Variants in FAM118A observed in about 807,000 individuals in gnomAD.
The protein encoded by FAM118A is protein FAM118A.
FAM118A carries 25 observed loss-of-function variants against 38.2 expected under a neutral mutation model. That is an observed-to-expected ratio of 0.65 (90% CI 0.48 to 0.91). FAM118A has a LOEUF of 0.91. Among genes scored for constraint, FAM118A ranks in the 40% least tolerant of loss-of-function variants. FAM118A has a pLI of 0.00. For missense variants in FAM118A, 425 were observed against 463.3 expected (o/e 0.92, Z 0.76); for synonymous variants, 178 against 184.1 (o/e 0.97, Z 0.27).
intron 8 of FAM118A, chr22:45,337,764 C>A: frequency 1.1e-6 from 1 of 921,882 alleles, no homozygotes; most frequent in Non-Finnish European, 1.3e-6. Flanking sequence ...ATCCATCCTG[C>A]TAGTACCTCC....
Position 45,332,671 on chromosome 22 carries a change from C to T in FAM118A, c.898C>T (p.Gln300Ter). 6.2e-7 allele frequency: 1 copy of T among 1,612,508 alleles called. No individual in the cohort carries two copies. The highest frequency in any genetic ancestry group is 1.3e-5 in the African/African-American group (1 of 75,006). The change falls in exon 6 of 9, where the codon CAA (glutamine) becomes TAA (stop). Residue 300 changes from glutamine (Q) to a stop codon, truncating the protein, a stop_gained. Transcript: ENST00000441876. LOFTEE classifies it high-confidence loss of function. ...DCFDHFPGYV[Q>*]DLATQICKQQ... Reference sequence around the variant, plus strand: ...TTTTGACCACTTTCCAGGATATGTGCAAGACCTTGCCACTCAGATCTGCAA... The same window carrying T: ...TTTTGACCACTTTCCAGGATATGTGTAAGACCTTGCCACTCAGATCTGCAA...
chr22:45,335,219 A>C, intron 6 of FAM118A, 131 bp from the exon 7 acceptor site: 1 of 908,118 alleles, frequency 1.1e-6, no homozygotes. Flanking sequence ...AGGAGTCCGC[A>C]GCCCGCGCGG....
At position 45,324,784 on chromosome 22, in the gene FAM118A, C is replaced by T. The variant is rs185642323; in HGVS notation, c.300+1357C>T. Among the ~76,000 whole-genome samples the T allele has an allele frequency of 2.5e-3, 388 of 152,308 alleles. 2 individuals are homozygous for T. The highest frequency in any genetic ancestry group is 3.7e-3 in the Admixed American group (57 of 15,304). ...TCTGAGGCAGGGGCGCGGTGGCTCA[C>T]GCCTGTAATCCCAGCACTTTGGGAG... On this transcript the variant is annotated intron_variant, in intron 3 of 8. Coordinates refer to ENST00000441876, the MANE Select transcript of FAM118A (RefSeq NM_017911.4).
intron 7 of FAM118A, 123 bp from the exon 8 acceptor site, chr22:45,336,205 A>C (rs1255596750): frequency 1.5e-6 from 1 of 653,482 alleles, no homozygotes; most frequent in Non-Finnish European, 2.6e-6. Flanking sequence ...AGCGTGGTTG[A>C]TGTCATCTCT....
At chr22:45,324,248 A>G (rs1298235338) in intron 3 of FAM118A, among the ~76,000 whole-genome samples, 2 of 152,156 alleles carry the variant, frequency 1.3e-5, no homozygotes, top group African/African-American at 2.4e-5. Flanking sequence ...TATAATCCCC[A>G]CCTAGAGACC....
At chr22:45,315,840 G>A (rs1311940851) in intron 1 of FAM118A, among the ~76,000 whole-genome samples, 1 of 152,188 alleles carries the variant, frequency 6.6e-6, no homozygotes, top group Non-Finnish European at 1.5e-5. Context: ...TGCTTCAGGT[G>A]GGGGTGTTGT....
Position 45,341,542 on chromosome 22 carries a change from G to GGGAGGCAAAACTTGAAAAGGGCC in FAM118A, c.*1138_*1160dup, listed in dbSNP as rs1286215465. 1 of 152,192 alleles carries GGGAGGCAAAACTTGAAAAGGGCC rather than the reference G, an allele frequency of 6.6e-6. No individual in the cohort carries two copies. The highest frequency in any genetic ancestry group is 2.4e-5 in the African/African-American group (1 of 41,442). The allele number at this position is 152,192 out of a possible 1,614,324, so 9.4% of individuals were successfully genotyped here. On this transcript the variant is annotated 3_prime_UTR_variant, in exon 9 of 9. Transcript: ENST00000441876. ...CATTAAGGGAGTTTGCAGAGAGTGA[G>GGGAGGCAAAACTTGAAAAGGGCC]GGAGGCAAAACTTGAAAAGGGCCTG...
chr22:45,321,112 CTTTTG>C (rs1388627243), intron 1 of FAM118A, among the ~76,000 whole-genome samples: 3 of 152,052 alleles, frequency 2.0e-5, no homozygotes, highest in African/African-American at 7.2e-5. Flanking sequence ...TATGTCAATA[CTTTTG>C]TTTGTTTGTT....
chr22:45,327,762 A>T, intron 3 of FAM118A, 80 bp from the exon 4 acceptor site: 2 of 1,417,882 alleles, frequency 1.4e-6, no homozygotes, highest in Non-Finnish European at 2.0e-6. Flanking sequence ...TATCTCTGGC[A>T]CCCAGAAAAT....
At chr22:45,321,932 C>G (rs745443644) in intron 1 of FAM118A, 1 of 307,344 alleles carries the variant, frequency 3.3e-6, no homozygotes, top group Non-Finnish European at 6.3e-6. Flanking sequence ...TTAGAGCACT[C>G]GTTGGCTTCC....
rs1327574743 is a variant in FAM118A at position 45,323,331 on chromosome 22, G to A, written c.204G>A (p.Val68=). ...TCGAGGCTGCAGAGCAGCTGGAGGT[G>A]CTGCACCCCGGAGACGTCGCCGAGT... ...AVIEAAEQLE[V]LHPGDVAEFR... is the part of the protein sequence containing the mutation. The change falls in exon 3 of 9, where the codon GTG becomes GTA. Residue 68 remains valine, a synonymous_variant. Transcript: ENST00000441876. The A allele has an allele frequency of 3.7e-6, 6 of 1,614,150 alleles. No individual in the cohort carries two copies. The highest frequency in any genetic ancestry group is 5.1e-6 in the Non-Finnish European group (6 of 1,180,008).
rs757517408 is a variant in FAM118A, at chr22:45,332,466, T to G, written c.693T>G (p.Phe231Leu). The G allele has an allele frequency of 2.5e-6, 4 of 1,614,196 alleles. No homozygotes were observed. The South Asian group carries it at 4.4e-5, about 18-fold the overall frequency. ...TATACCGCACCAAGTCCTTTCTGTT[T>G]GTGGGCTGTGGGGAGACCCTTCGTG... ...QNLYRTKSFL[F>L]VGCGETLRDQ... is the part of the protein sequence containing the mutation. Residue 231 changes from phenylalanine (F) to leucine (L), a missense_variant, in exon 6 of 9, where the codon TTT becomes TTG. Coordinates refer to ENST00000441876, the MANE Select transcript of FAM118A (RefSeq NM_017911.4).
At chr22:45,310,613 AG>A (rs1339687571) in intron 1 of FAM118A, among the ~76,000 whole-genome samples, 7 of 152,054 alleles carry the variant, frequency 4.6e-5, no homozygotes, top group Admixed American at 4.6e-4. Context: ...TCTCAGGGCT[AG>A]GTTTCTCCAA....
intron 4 of FAM118A, chr22:45,328,469 G>C (rs1045005060): frequency 4.1e-5 from 36 of 870,714 alleles, no homozygotes; most frequent in Non-Finnish European, 6.9e-5. Context: ...TTGTAGCAGT[G>C]AATTACTAAT....
chr22:45,327,445 C>G (rs9615107), intron 3 of FAM118A, among the ~76,000 whole-genome samples: 65,394 of 152,016 alleles, frequency 0.43, 17,410 homozygotes, highest in Non-Finnish European at 0.61. Context: ...CCTCCGTGGC[C>G]TCTTGCTGAC....
intron 7 of FAM118A, among the ~76,000 whole-genome samples, chr22:45,335,835 G>T (rs1330658755): frequency 6.6e-6 from 1 of 152,230 alleles, no homozygotes; most frequent in Non-Finnish European, 1.5e-5. Flanking sequence ...AATTCTGCCT[G>T]TTTATAAATT....
chr22:45,335,432 A>T lies in FAM118A; in HGVS notation c.970+50A>T. On this transcript the variant is annotated intron_variant, in intron 7 of 8. Coordinates refer to ENST00000441876, the MANE Select transcript of FAM118A (RefSeq NM_017911.4). ...AGCCTGTTTTTTGCCTACACATTCC[A>T]TTGTCTTCTGTCACTAACTGTAAAA... The T allele has an allele frequency of 1.9e-6, 3 of 1,598,782 alleles. 1 individual carries two copies. The South Asian group carries it at 3.3e-5, about 18-fold the overall frequency.
chr22:45,338,840 C>T (rs951703333), intron 8 of FAM118A, among the ~76,000 whole-genome samples: 7 of 152,208 alleles, frequency 4.6e-5, no homozygotes, highest in Non-Finnish European at 7.3e-5. Flanking sequence ...TGTCCCTGCA[C>T]GTTCCTTCAA....
chr22:45,320,360 G>C (rs1249648448), intron 1 of FAM118A, among the ~76,000 whole-genome samples: 1 of 145,730 alleles, frequency 6.9e-6, no homozygotes. Flanking sequence ...CTCCAGCCTG[G>C]TGACAAAGCG....
Sources: gnomAD v4.1 joint callset for allele counts (sites outside exome capture counted in the v4.1 genomes callset) on GRCh38, gnomAD v4.1.1 for gene constraint, MANE v1.5 for transcripts, NCBI Gene and HGNC (gene_info 2026-07-23, HGNC 2026-07-21) for gene names.